Variants in ITIH6 observed in about 807,000 individuals in gnomAD.
The protein encoded by ITIH6 is inter-alpha-trypsin inhibitor heavy chain H6.
ITIH6 carries 60 observed loss-of-function variants against 58.2 expected under a neutral mutation model. The observed-to-expected ratio is 1.03, with a 90% CI of 0.84 to 1.28. ITIH6 has a LOEUF of 1.28. ITIH6 is among the 50% of genes most tolerant of loss of function. The pLI, the probability that ITIH6 is intolerant of heterozygous loss-of-function variation, is 0.00. For missense variants in ITIH6, 1,290 were observed against 1,021.1 expected, an observed-to-expected ratio of 1.26 and a Z score of -3.59; for synonymous variants, 493 against 417.4, an observed-to-expected ratio of 1.18 and a Z score of -2.21.
intron 5 of ITIH6, among the ~76,000 whole-genome samples, chrX:54,785,541 A>T (rs1358653210): frequency 9.0e-6 from 1 of 110,679 alleles, no homozygotes; most frequent in Non-Finnish European, 1.9e-5. Context: ...AACAAACCCA[A>T]TGTCTGTATT....
At chrX:54,782,744 A>G (rs1929171106) in intron 5 of ITIH6, among the ~76,000 whole-genome samples, 1 of 111,804 alleles carries the variant, frequency 8.9e-6, no homozygotes, top group Admixed American at 9.5e-5. Flanking sequence ...TGACTTCACC[A>G]CTGAATTCTA....
intron 6 of ITIH6, 119 bp from the exon 7 acceptor site, chrX:54,760,046 C>T: frequency 7.4e-6 from 4 of 543,934 alleles, no homozygotes; most frequent in Non-Finnish European, 1.2e-5. Flanking sequence ...GACTCTCTGA[C>T]TGCAGGACTC....
chrX:54,749,763 T>C lies in ITIH6; in HGVS notation c.*132A>G. 1 of 492,126 alleles carries C rather than the reference T, an allele frequency of 2.0e-6. No individual in the cohort carries two copies. Among genetic ancestry groups the C allele is most frequent in the Non-Finnish European group, 3.5e-6 (1 of 288,884 alleles). 40.6% of individuals were successfully genotyped at this position (492,126 alleles called of 1,213,427 possible). A position where few individuals can be genotyped will look rare whatever the true frequency, so the allele number is the denominator to read the frequency against. On this transcript the variant is annotated 3_prime_UTR_variant, in exon 13 of 13. Transcript: ENST00000218436. ...TTGTATACCCTTGTATATGTGTTCCTTAGAACATGCGTGAGTCTGTGTGTC... is the reference window on the plus strand; with the variant it reads ...TTGTATACCCTTGTATATGTGTTCCCTAGAACATGCGTGAGTCTGTGTGTC...
intron 2 of ITIH6, among the ~76,000 whole-genome samples, chrX:54,793,175 C>T (rs1397023488): frequency 9.0e-6 from 1 of 111,040 alleles, no homozygotes; most frequent in Non-Finnish European, 1.9e-5. Flanking sequence ...TTTTAGGGTA[C>T]ATGTGCACAA....
Position 54,758,707 on chromosome X carries a change from G to A in ITIH6, c.1367C>T (p.Thr456Ile). 8.3e-7 allele frequency: 1 copy of A among 1,211,699 alleles called. No individual in the cohort carries two copies. Among genetic ancestry groups the A allele is most frequent in the Non-Finnish European group, 1.1e-6 (1 of 895,436 alleles). ...RGIARRIYED[T>I]DAALQLKGLY... is the part of the protein sequence containing the mutation. Reference sequence around the variant, plus strand: ...GCCCTTCAGCTGTAGGGCCGCATCAGTGTCCTCATATATGCGCCGGGCTAT... The same window carrying A: ...GCCCTTCAGCTGTAGGGCCGCATCAATGTCCTCATATATGCGCCGGGCTAT... The change falls in exon 8 of 13, where the codon ACT becomes ATT. Residue 456 changes from threonine (T) to isoleucine (I), a missense_variant. Physicochemically the swap from Thr to Ile is moderately conservative, Grantham distance 89. Coordinates refer to ENST00000218436, the MANE Select transcript of ITIH6 (RefSeq NM_198510.3).
chrX:54,794,341 G>C (rs1207556579), intron 2 of ITIH6, among the ~76,000 whole-genome samples: 7 of 111,060 alleles, frequency 6.3e-5, no homozygotes, highest in Admixed American at 3.8e-4. Flanking sequence ...AAAAAAATCT[G>C]TTGGTGTTTT....
At chrX:54,755,209 C>T in intron 8 of ITIH6, 100 bp from the exon 9 acceptor site, 1 of 660,722 alleles carries the variant, frequency 1.5e-6, no homozygotes, top group Non-Finnish European at 2.4e-6. Flanking sequence ...TGCAGGTTGA[C>T]CTGCCCATCT....
At chrX:54,753,509 T>C (rs1928415827) in intron 11 of ITIH6, 142 bp downstream of exon 11, 1 of 448,021 alleles carries the variant, frequency 2.2e-6, no homozygotes, top group Non-Finnish European at 3.9e-6. Flanking sequence ...TTTTTGTGTG[T>C]CTTGGTGTGT....
chrX:54,758,684 C>A lies in ITIH6; in HGVS notation c.1390G>T (p.Gly464Cys). Residue 464 changes from glycine (G) to cysteine (C), a missense_variant, in exon 8 of 13, where the codon GGC (glycine) becomes TGC (cysteine). By Grantham distance (159) the Gly-to-Cys change is radical. Transcript: ENST00000218436. ...EDTDAALQLKGLYEEISMPLL... is the reference protein window; with the variant it reads ...EDTDAALQLKCLYEEISMPLL... ...GGCATGGAGATCTCCTCATAGAGGC[C>A]CTTCAGCTGTAGGGCCGCATCAGTG... The A allele has an allele frequency of 8.3e-7, 1 of 1,211,688 alleles. No homozygotes were observed. Among genetic ancestry groups the A allele is most frequent in the Non-Finnish European group, 1.1e-6 (1 of 895,423 alleles).
In ITIH6 at chrX:54,751,363, T is replaced by G; in HGVS notation, c.3370A>C (p.Lys1124Gln). Residue 1124 changes from lysine to glutamine, a missense_variant, in exon 12 of 13, where the codon AAG (lysine) becomes CAG (glutamine). By Grantham distance (53) the Lys-to-Gln change is moderately conservative. Transcript: ENST00000218436. Reference protein sequence around the residue: ...DPKAGLHVSGKLLGAPPRPGH... With the variant: ...DPKAGLHVSGQLLGAPPRPGH... The stretch of plus-strand genomic sequence containing the variant: ...GGCCTTGGTGGTGCGCCAAGCAGCT[T>G]CCCACTCACATGCAGCCCTGGAGGG... 8.3e-7 allele frequency: 1 copy of G among 1,211,610 alleles called. No individual in the cohort carries two copies. The highest frequency in any genetic ancestry group is 1.1e-6 in the Non-Finnish European group (1 of 895,293).
chrX:54,759,474 A>T (rs1248029730), intron 7 of ITIH6, among the ~76,000 whole-genome samples: 1 of 112,312 alleles, frequency 8.9e-6, no homozygotes, highest in African/African-American at 3.2e-5. Context: ...TATTGATTTA[A>T]AGAAAGTTTA....
chrX:54,779,599 C>T (rs1306973377), intron 5 of ITIH6, among the ~76,000 whole-genome samples: 2 of 109,754 alleles, frequency 1.8e-5, no homozygotes, highest in South Asian at 3.9e-4. Flanking sequence ...AATAATCTTG[C>T]TAAAAGGAAG....
chrX:54,753,575 C>T, intron 11 of ITIH6, 76 bp downstream of exon 11: 1 of 724,730 alleles, frequency 1.4e-6, no homozygotes, highest in Non-Finnish European at 2.2e-6. Context: ...GGGGTATTAA[C>T]CCACAAATGT....
At chrX:54,753,000 AAGTT>A (rs1432413411) in intron 11 of ITIH6, among the ~76,000 whole-genome samples, 1 of 112,580 alleles carries the variant, frequency 8.9e-6, no homozygotes, top group Non-Finnish European at 1.9e-5. Context: ...TGTTTTGAGA[AAGTT>A]AGCCAAAACT....
At chrX:54,797,870 A>G (rs1929471586) in intron 1 of ITIH6, among the ~76,000 whole-genome samples, 1 of 110,841 alleles carries the variant, frequency 9.0e-6, no homozygotes, top group Non-Finnish European at 1.9e-5. Flanking sequence ...TCTTCTCTAT[A>G]ATGGGGATAA....
At chrX:54,765,715 T>A (rs1317995033) in intron 6 of ITIH6, among the ~76,000 whole-genome samples, 4 of 109,628 alleles carry the variant, frequency 3.6e-5, no homozygotes, top group Non-Finnish European at 5.7e-5. Context: ...GAAGCGGCGT[T>A]ATTTCTGAGG....
intron 3 of ITIH6, among the ~76,000 whole-genome samples, chrX:54,791,506 T>G (rs922783863): frequency 5.4e-5 from 6 of 110,818 alleles, no homozygotes; most frequent in African/African-American, 2.0e-4. Flanking sequence ...TGGCAGTAAC[T>G]CAGTTTGCTG....
intron 2 of ITIH6, among the ~76,000 whole-genome samples, chrX:54,796,559 C>T (rs1342513272): frequency 9.1e-6 from 1 of 110,086 alleles, no homozygotes; most frequent in Non-Finnish European, 1.9e-5. Context: ...TGGCATGCGC[C>T]TGTAGTCCCA....
chrX:54,749,822 C>T lies in ITIH6; in HGVS notation c.*73G>A, dbSNP rs767035574. ...TGCTTCCATGTCCTTGGGTCTCTGT[C>T]CCTGGCTCACCCCATGCCCTGGTTT... On this transcript the variant is annotated 3_prime_UTR_variant, in exon 13 of 13. Transcript: ENST00000218436. The T allele has an allele frequency of 1.0e-5, 9 of 903,874 alleles. No individual in the cohort carries two copies. Among genetic ancestry groups the T allele is most frequent in the Non-Finnish European group, 1.4e-5 (9 of 644,442 alleles). The allele number at this position is 903,874 out of a possible 1,213,427, so 74.5% of individuals were successfully genotyped here.
Sources: gnomAD v4.1 joint callset for allele counts (sites outside exome capture counted in the v4.1 genomes callset) on GRCh38, gnomAD v4.1.1 for gene constraint, MANE v1.5 for transcripts, NCBI Gene and HGNC (gene_info 2026-07-23, HGNC 2026-07-21) for gene names.